SLC19A1: variants seen among roughly 807,000 people sequenced by gnomAD.
SLC19A1 encodes solute carrier family 19 member 1.
In SLC19A1, 37 loss-of-function variants were observed where a neutral mutation model predicts 35.3. The ratio of observed to expected loss-of-function variants is 1.05; its 90% CI spans 0.81 to 1.38. The LOEUF (loss-of-function observed/expected upper bound fraction) is 1.38, where lower values mean the gene tolerates loss of function less well. Ranked by LOEUF, SLC19A1 falls within the 40% of genes most tolerant of loss-of-function variation. The pLI, the probability that SLC19A1 is intolerant of heterozygous loss-of-function variation, is 0.00. For synonymous variants in SLC19A1, 460 were observed against 398.5 expected, an observed-to-expected ratio of 1.15 and a Z score of -1.84; for missense variants, 831 against 826.9, an observed-to-expected ratio of 1.00 and a Z score of -0.06.
chr21:45,511,365 A>G (rs1453729206), downstream of SLC19A1: 17 of 680,944 alleles, frequency 2.5e-5, no homozygotes, highest in Non-Finnish European at 3.2e-5. Flanking sequence ...ACAAAATCCA[A>G]AAGAGCATTG....
intron 4 of SLC19A1, among the ~76,000 whole-genome samples, chr21:45,527,940 TA>T (rs35809128): frequency 0.53 from 71,602 of 135,536 alleles, 18,477 homozygotes; most frequent in South Asian, 0.63. Flanking sequence ...GCAAAGTGCT[TA>T]AAAAAAAAAA....
intron 4 of SLC19A1, among the ~76,000 whole-genome samples, chr21:45,529,058 G>GC (rs2077752656): frequency 6.6e-6 from 1 of 152,244 alleles, no homozygotes; most frequent in South Asian, 2.1e-4. Context: ...CAGTGGGGGG[G>GC]CCCAAGCAAG....
At chr21:45,532,750 A>G (rs1382835068) in intron 2 of SLC19A1, among the ~76,000 whole-genome samples, 1 of 152,236 alleles carries the variant, frequency 6.6e-6, no homozygotes, top group Non-Finnish European at 1.5e-5. Context: ...CTCTATTTTT[A>G]ATAGAATCAA....
intron 5 of SLC19A1, among the ~76,000 whole-genome samples, chr21:45,523,114 C>T (rs73372923): frequency 0.024 from 3,612 of 152,226 alleles, 147 homozygotes; most frequent in African/African-American, 0.083. Context: ...TGCTCCATCA[C>T]GGCTCCCTCC....
At chr21:45,523,465 G>T (rs759382751) in intron 5 of SLC19A1, among the ~76,000 whole-genome samples, 56 of 152,302 alleles carry the variant, frequency 3.7e-4, no homozygotes, top group Non-Finnish European at 4.0e-4. Context: ...GACCAGCTAA[G>T]GAAGGGAAAG....
downstream of SLC19A1, among the ~76,000 whole-genome samples, chr21:45,508,383 G>A (rs1006713497): frequency 6.7e-6 from 1 of 150,050 alleles, no homozygotes; most frequent in Non-Finnish European, 1.5e-5. Context: ...GATGGATGGT[G>A]GGCAGATGGA....
rs1413461498 is a variant in SLC19A1, at chr21:45,505,738, G to GC, written c.498-7127dup. The GC allele has an allele frequency of 1.2e-5, 12 of 1,000,212 alleles. No individual in the cohort carries two copies. In the South Asian group the frequency reaches 1.7e-4, roughly 14 times the overall value. The allele number at this position is 1,000,212 out of a possible 1,614,324, so 62.0% of individuals were successfully genotyped here. On this transcript the variant is annotated intron_variant, in intron 3 of 4. Transcript: ENST00000417954. ...TCAGTCCACACCTGTCCAAAGCCCT[G>GC]CGGCCCCTGCCCAGCACCCTGAAAC...
downstream of SLC19A1, chr21:45,509,341 G>T: frequency 6.5e-7 from 1 of 1,543,572 alleles, no homozygotes; most frequent in Non-Finnish European, 8.7e-7. Context: ...CAGGCCCCAC[G>T]TCTCCCACCT....
At chr21:45,543,182 G>T (rs924293646), upstream of SLC19A1, among the ~76,000 whole-genome samples, 2 of 152,260 alleles carry the variant, frequency 1.3e-5, no homozygotes, top group Admixed American at 1.3e-4. Context: ...ACTCAGGAAG[G>T]GGGGCCTGGG....
At chr21:45,539,305 G>T (rs946988068) in intron 1 of SLC19A1, among the ~76,000 whole-genome samples, 1 of 152,260 alleles carries the variant, frequency 6.6e-6, no homozygotes, top group Non-Finnish European at 1.5e-5. Flanking sequence ...AAGGCCATCT[G>T]CTGCTCAGGT....
In SLC19A1 at chr21:45,540,568, G is replaced by A. The variant is rs1365681368; in HGVS notation, c.-50+1800C>T. Among the ~76,000 whole-genome samples the A allele has an allele frequency of 2.0e-5, 3 of 152,202 alleles. No homozygotes were observed. On this transcript the variant is annotated intron_variant, in intron 1 of 5. Transcript: ENST00000311124. This position sits in a 1 kb window ranked among gnomAD's most constrained non-coding sequence, Gnocchi z 5.5. ...TGCTGCCAGCATACTCAACTTATGT[G>A]CCGTGAACGTAGCCCACTGACAGAG...
Position 45,517,094 on chromosome 21 carries a change from G to C in SLC19A1, c.1294-954C>G, listed in dbSNP as rs541653148. ...AGGGCAGACTGGCCGGGCCCTCGGGGTCTGGGGAGCTGTGCCACGCAAGGA... is the reference window on the plus strand; with the variant it reads ...AGGGCAGACTGGCCGGGCCCTCGGGCTCTGGGGAGCTGTGCCACGCAAGGA... On this transcript the variant is annotated intron_variant, in intron 5 of 5. Coordinates refer to ENST00000311124, the MANE Select transcript of SLC19A1 (RefSeq NM_194255.4). The surrounding 1 kb of genome is among the most constrained non-coding windows in gnomAD (Gnocchi z 4.4). Among the ~76,000 whole-genome samples, 2 of 152,122 alleles carry C rather than the reference G, an allele frequency of 1.3e-5. No individual in the cohort carries two copies. Among genetic ancestry groups the C allele is most frequent in the Non-Finnish European group, 2.9e-5 (2 of 68,020 alleles).
chr21:45,507,705 A>T, downstream of SLC19A1: 2 of 1,019,426 alleles, frequency 2.0e-6, no homozygotes, highest in Non-Finnish European at 1.5e-6. Context: ...GGAGCTGAAC[A>T]TGTGGCTCAC....
At chr21:45,532,366 G>A (rs1024441124) in intron 2 of SLC19A1, among the ~76,000 whole-genome samples, 7 of 152,234 alleles carry the variant, frequency 4.6e-5, no homozygotes, top group Middle Eastern at 3.2e-3. Context: ...GGGAGCGTTC[G>A]CCTGCGGAAA....
At chr21:45,508,374 A>G (rs373813513), downstream of SLC19A1, among the ~76,000 whole-genome samples, 1 of 135,154 alleles carries the variant, frequency 7.4e-6, no homozygotes. Flanking sequence ...GGATGGGTGG[A>G]TGGATGGTGG....
At position 45,515,158 on chromosome 21, in the gene SLC19A1, T is replaced by C. The variant is rs569418050; in HGVS notation, c.*500A>G. On this transcript the variant is annotated 3_prime_UTR_variant, in exon 6 of 6. Transcript: ENST00000311124. Reference sequence around the variant, plus strand: ...GCCACATGCAGTTCTTCATTCTACGTCAGTTAAAAAAAAAAAAAGCATCTT... The same window carrying C: ...GCCACATGCAGTTCTTCATTCTACGCCAGTTAAAAAAAAAAAAAGCATCTT... 4 of 1,480,188 alleles carry C rather than the reference T, an allele frequency of 2.7e-6. No individual in the cohort carries two copies. Among genetic ancestry groups the C allele is most frequent in the Non-Finnish European group, 3.6e-6 (4 of 1,126,256 alleles). The allele number at this position is 1,480,188 out of a possible 1,614,324, so 91.7% of individuals were successfully genotyped here. A position where few individuals can be genotyped will look rare whatever the true frequency, so the allele number is the denominator to read the frequency against.
At chr21:45,516,209 C>G in intron 5 of SLC19A1, 69 bp from the exon 6 acceptor site, 2 of 1,256,078 alleles carry the variant, frequency 1.6e-6, no homozygotes, top group Non-Finnish European at 2.3e-6. Flanking sequence ...TACACCCCGA[C>G]GCCTGCTCCC....
intron 4 of SLC19A1, 55 bp from the exon 5 acceptor site, chr21:45,526,013 C>T: frequency 6.3e-7 from 1 of 1,590,060 alleles, no homozygotes; most frequent in Non-Finnish European, 8.6e-7. Context: ...GCAGCAGCCA[C>T]AGGGAAAAGC....
rs780934095 is a variant in SLC19A1, at chr21:45,516,035, G to A, written c.1399C>T (p.Pro467Ser). Residue 467 changes from proline (P) to serine (S), a missense_variant, in exon 6 of 6, where the codon CCC becomes TCC. Transcript: ENST00000311124. ...HCQRGHHPRQ[P>S]PAQGLRSAAE... ...GCACTCCTCAGGCCCTGGGCCGGGG[G>A]CTGCCGCGGGTGGTGGCCCCGCTGG... The A allele has an allele frequency of 1.3e-6, 2 of 1,579,968 alleles. No individual in the cohort carries two copies. Among genetic ancestry groups the A allele is most frequent in the Non-Finnish European group, 8.6e-7 (1 of 1,164,660 alleles).
Sources: gnomAD v4.1 joint callset for allele counts (sites outside exome capture counted in the v4.1 genomes callset) on GRCh38, gnomAD v4.1.1 for gene constraint, Gnocchi (gnomAD v3.1) non-coding constraint, MANE v1.5 for transcripts, NCBI Gene and HGNC (gene_info 2026-07-23, HGNC 2026-07-21) for gene names.